The following FBXL3 variants were observed in gnomAD, a reference collection of about 807,000 sequenced individuals.
The protein encoded by FBXL3 is F-box and leucine rich repeat protein 3.
FBXL3 carries 14 observed loss-of-function variants against 37.9 expected under a neutral mutation model. The ratio of observed to expected loss-of-function variants is 0.37; its 90% CI spans 0.24 to 0.58. The LOEUF (loss-of-function observed/expected upper bound fraction) is 0.58, where lower values mean the gene tolerates loss of function less well. FBXL3 is among the 20% of genes least tolerant of loss of function. The pLI is 0.74. For missense variants in FBXL3, 327 were observed against 511.1 expected (o/e 0.64, Z 3.47); for synonymous variants, 194 against 180.1 (o/e 1.08, Z -0.62).
At position 77,021,760 on chromosome 13, in the gene FBXL3, C is replaced by G; in HGVS notation, c.101G>C (p.Cys34Ser). The change falls in exon 2 of 5, where the codon TGT becomes TCT. Residue 34 changes from cysteine (C) to serine (S), a missense_variant. Transcript: ENST00000355619. Reference sequence around the variant, plus strand: ...GTCCTGAAGGAGATTACCCCAATCACAAGTCTGAGAATGCTCATTTGTAGT... The same window carrying G: ...GTCCTGAAGGAGATTACCCCAATCAGAAGTCTGAGAATGCTCATTTGTAGT... The part of the protein sequence containing the change: ...LRTTNEHSQT[C>S]DWGNLLQDII... The G allele has an allele frequency of 6.2e-7, 1 of 1,613,782 alleles. No individual in the cohort carries two copies. The highest frequency in any genetic ancestry group is 1.1e-5 in the South Asian group (1 of 91,088).
At chr13:77,009,587 T>C (rs768505045) in intron 4 of FBXL3, 2 of 152,164 alleles carry the variant, frequency 1.3e-5, no homozygotes, top group Non-Finnish European at 2.9e-5. Context: ...ATGGCAATCA[T>C]TAAAAAGTCA....
intron 1 of FBXL3, among the ~76,000 whole-genome samples, chr13:77,025,795 T>G (rs574558091): frequency 5.9e-5 from 9 of 151,720 alleles, no homozygotes; most frequent in Non-Finnish European, 1.2e-4. Context: ...ACTTTTACAC[T>G]GGGCATGCAA....
rs1377468605 is a variant in FBXL3 at position 77,027,125 on chromosome 13, A to C, written c.-300T>G. On this transcript the variant is annotated 5_prime_UTR_variant, in exon 1 of 5. Coordinates refer to ENST00000355619, the MANE Select transcript of FBXL3 (RefSeq NM_012158.4). Reference sequence around the variant, plus strand: ...CCTCAGCGAGCGGCTGCCACCGCGTAAGCTTCCTGCACCTGGGCCACAAAC... The same window carrying C: ...CCTCAGCGAGCGGCTGCCACCGCGTCAGCTTCCTGCACCTGGGCCACAAAC... The C allele has an allele frequency of 2.0e-5, 3 of 151,466 alleles. No individual in the cohort carries two copies. The highest frequency in any genetic ancestry group is 4.4e-5 in the Non-Finnish European group (3 of 67,926). 9.4% of individuals were successfully genotyped at this position (151,466 alleles called of 1,614,324 possible).
At position 77,007,403 on chromosome 13, in the gene FBXL3, T is replaced by C. The variant is rs764434376; in HGVS notation, c.1029A>G (p.Gly343=). 18 of 1,614,208 alleles carry C rather than the reference T, an allele frequency of 1.1e-5. No homozygotes were observed. The South Asian group carries it at 2.0e-4, about 18-fold the overall frequency. The change falls in exon 5 of 5, where the codon GGA becomes GGG. Residue 343 remains glycine (G), a synonymous_variant. Coordinates refer to ENST00000355619, the MANE Select transcript of FBXL3 (RefSeq NM_012158.4). ...TTAACTCTTCATCAAGTGGCCGTAA[T>C]CCATTTGCACACACTACTAGTTCAA... ...RLVELVVCAN[G]LRPLDEELIR...
At chr13:77,014,475 G>A (rs1298523516) in intron 4 of FBXL3, 1 of 152,182 alleles carries the variant, frequency 6.6e-6, no homozygotes, top group Non-Finnish European at 1.5e-5. Flanking sequence ...TGGCAGAGAG[G>A]GCTAAGAAAA....
chr13:77,022,800 G>GT (rs1035458467), intron 1 of FBXL3, among the ~76,000 whole-genome samples: 5 of 152,126 alleles, frequency 3.3e-5, no homozygotes, highest in African/African-American at 9.7e-5. Flanking sequence ...TTGAAAGATA[G>GT]TTTTTTCATG....
chr13:77,007,803 A>T lies in FBXL3; in HGVS notation c.644-15T>A. The stretch of plus-strand genomic sequence containing the variant: ...ACAAAGGATACCTTGAAAGAAAAAA[A>T]AAATTATTTGCAAGTTTTTGTAAAA... On this transcript the variant is annotated splice_polypyrimidine_tract_variant and intron_variant, in intron 4 of 4. Coordinates refer to ENST00000355619, the MANE Select transcript of FBXL3 (RefSeq NM_012158.4). 1 of 1,533,070 alleles carries T rather than the reference A, an allele frequency of 6.5e-7. No individual in the cohort carries two copies. The allele number at this position is 1,533,070 out of a possible 1,614,324, so 95.0% of individuals were successfully genotyped here.
At chr13:77,011,434 A>AC (rs2154036351) in intron 4 of FBXL3, among the ~76,000 whole-genome samples, 1 of 151,912 alleles carries the variant, frequency 6.6e-6, no homozygotes, top group South Asian at 2.1e-4. Flanking sequence ...ATGAAAAGAC[A>AC]GTCAAGGTCA....
At chr13:77,026,540 C>A (rs975406748) in intron 1 of FBXL3, among the ~76,000 whole-genome samples, 1 of 152,168 alleles carries the variant, frequency 6.6e-6, no homozygotes, top group Non-Finnish European at 1.5e-5. Flanking sequence ...GCGGCGAACC[C>A]GGGAGCGGCG....
At chr13:77,007,906 A>G in intron 4 of FBXL3, 118 bp from the exon 5 acceptor site, 2 of 730,054 alleles carry the variant, frequency 2.7e-6, no homozygotes, top group Non-Finnish European at 2.2e-6. Flanking sequence ...AAACTATATA[A>G]TTTAAAATGT....
At chr13:77,026,102 T>C (rs2034834265) in intron 1 of FBXL3, 1 of 851,546 alleles carries the variant, frequency 1.2e-6, no homozygotes, top group Non-Finnish European at 1.4e-6. Context: ...AGGAGGATTC[T>C]AATTAAAAAA....
chr13:77,015,231 C>CA, intron 4 of FBXL3, 178 bp downstream of exon 4: 1 of 398,686 alleles, frequency 2.5e-6, no homozygotes, highest in Non-Finnish European at 4.4e-6. Flanking sequence ...AGCTGAAAGT[C>CA]AGTGTCTAGG....
intron 4 of FBXL3, chr13:77,014,378 T>C (rs2034608191): frequency 6.6e-6 from 1 of 152,170 alleles, no homozygotes; most frequent in Non-Finnish European, 1.5e-5. Flanking sequence ...ACAGTAAATA[T>C]AAAAATGTAA....
At chr13:77,017,262 A>C (rs2034660049) in intron 3 of FBXL3, 1 of 152,228 alleles carries the variant, frequency 6.6e-6, no homozygotes, top group Non-Finnish European at 1.5e-5. Flanking sequence ...AGATATATGC[A>C]TAGTGATAAG....
rs143435987 is a variant in FBXL3, at chr13:77,013,161, C to T, written c.643+2248G>A. 1.2e-3 allele frequency: 184 copies of T among 152,236 alleles called. 1 individual carries two copies. Among genetic ancestry groups the T allele is most frequent in the African/African-American group, 3.8e-3 (159 of 41,518 alleles). 9.4% of individuals were successfully genotyped at this position (152,236 alleles called of 1,614,324 possible). A position where few individuals can be genotyped will look rare whatever the true frequency, so the allele number is the denominator to read the frequency against. ...GAAACCAACTTTGCAAAATTATGAC[C>T]GTGAAAGAAATCAGACCTAACCGAC... On this transcript the variant is annotated intron_variant, in intron 4 of 4. Coordinates refer to ENST00000355619, the MANE Select transcript of FBXL3 (RefSeq NM_012158.4).
Position 77,018,634 on chromosome 13 carries a change from G to A in FBXL3, c.437C>T (p.Ser146Leu). 6.3e-7 allele frequency: 1 copy of A among 1,597,460 alleles called. No homozygotes were observed. The stretch of plus-strand genomic sequence containing the variant: ...ATCCATAAAGCTTGGTCGAGCAGTT[G>A]AAATAAGTCCAAGTGTTTTTAAAGA... The part of the protein sequence containing the change: ...NCSLKTLGLI[S>L]TARPSFMDLP... The change falls in exon 3 of 5, where the codon TCA (serine) becomes TTA (leucine). Residue 146 changes from serine to leucine, a missense_variant. Physicochemically the swap from Ser to Leu is moderately radical, Grantham distance 145. Coordinates refer to ENST00000355619, the MANE Select transcript of FBXL3 (RefSeq NM_012158.4).
chr13:77,022,362 A>G (rs1283491948), intron 1 of FBXL3, among the ~76,000 whole-genome samples: 1 of 152,194 alleles, frequency 6.6e-6, no homozygotes, highest in Non-Finnish European at 1.5e-5. Context: ...CCTGAGGACC[A>G]GAACTGGGCC....
chr13:77,018,691 G>A lies in FBXL3; in HGVS notation c.380C>T (p.Ala127Val). Reference sequence around the variant, plus strand: ...CACAAGTTGCGATAGTATATCACAAGCTGCTTCAGCTGATTCCTTGCTGCT... The same window carrying A: ...CACAAGTTGCGATAGTATATCACAAACTGCTTCAGCTGATTCCTTGCTGCT... ...VDSSKESAEA[A>V]CDILSQLVNC... is the part of the protein sequence containing the mutation. The change falls in exon 3 of 5, where the codon GCT becomes GTT. Residue 127 changes from alanine (A) to valine (V), a missense_variant. Transcript: ENST00000355619. The A allele has an allele frequency of 6.3e-7, 1 of 1,589,876 alleles. No homozygotes were observed. Among genetic ancestry groups the A allele is most frequent in the Non-Finnish European group, 8.5e-7 (1 of 1,169,788 alleles).
intron 4 of FBXL3, chr13:77,013,369 A>C (rs573946004): frequency 6.6e-6 from 1 of 152,256 alleles, no homozygotes; most frequent in Admixed American, 6.5e-5. Flanking sequence ...CAAACTAGCT[A>C]CAAGATTAGA....
Sources: allele counts gnomAD v4.1 joint callset (sites outside exome capture counted in the v4.1 genomes callset), GRCh38; gene constraint gnomAD v4.1.1; transcripts MANE v1.5; gene names NCBI Gene and HGNC (gene_info 2026-07-23, HGNC 2026-07-21).